Variants in HR observed in about 807,000 individuals in gnomAD.
The protein encoded by HR is lysine-specific demethylase hairless.
Under a neutral mutation model 128.6 loss-of-function variants are expected in HR, and 83 were observed. The ratio of observed to expected loss-of-function variants is 0.65; its 90% CI spans 0.54 to 0.77. The LOEUF is 0.77. HR is among the 30% of genes least tolerant of loss of function. HR has a pLI of 0.00. For missense variants in HR, 1,490 were observed against 1,574.6 expected (o/e 0.95, Z 0.91); for synonymous variants, 681 against 658.2 (o/e 1.03, Z -0.53).
chr8:22,121,377 C>T (rs1826748911), intron 9 of HR, 149 bp from the exon 10 acceptor site: 1 of 1,107,142 alleles, frequency 9.0e-7, no homozygotes, highest in Admixed American at 2.3e-5. Flanking sequence ...CTCTGGGTCT[C>T]CCCGCTCTAC....
At chr8:22,120,635 G>A (rs889996237) in intron 11 of HR, 81 bp downstream of exon 11, 7 of 1,561,810 alleles carry the variant, frequency 4.5e-6, no homozygotes, top group Non-Finnish European at 6.0e-6. Flanking sequence ...GAGCCACTGG[G>A]TCTGTCTGGG....
rs142308964 is a variant in HR at position 22,118,350 on chromosome 8, T to C, written c.3213+600A>G. On this transcript the variant is annotated intron_variant, in intron 16 of 18. Coordinates refer to ENST00000381418, the MANE Select transcript of HR (RefSeq NM_005144.5). The stretch of plus-strand genomic sequence containing the variant: ...CCCACCCCATCACCTTCCCCTTCCC[T>C]GGCTCCTCACCTGACCCATCTCTCC... 5.8e-3 allele frequency: 895 copies of C among 155,644 alleles called. 13 individuals carry two copies. The highest frequency in any genetic ancestry group is 0.019 in the African/African-American group (804 of 41,606). The allele number at this position is 155,644 out of a possible 1,614,324, so 9.6% of individuals were successfully genotyped here. A position where few individuals can be genotyped will look rare whatever the true frequency, so the allele number is the denominator to read the frequency against.
Position 22,127,609 on chromosome 8 carries a change from G to A in HR, c.833C>T (p.Ser278Phe), listed in dbSNP as rs374318044. The A allele has an allele frequency of 1.9e-5, 30 of 1,611,336 alleles. No homozygotes were observed. The Admixed American group carries it at 4.0e-4, about 21-fold the overall frequency. ...AAGGCCTGGGGGACAAGCGGGCCAG[G>A]AGGTCCAGGGCACAGTGTCTGGCTG... Reference protein sequence around the residue: ...LGQPDTVPWTSWPACPPGLVH... With the variant: ...LGQPDTVPWTFWPACPPGLVH... Residue 278 changes from serine (S) to phenylalanine (F), a missense_variant, in exon 3 of 19, where the codon TCC (serine) becomes TTC (phenylalanine). Ser to Phe is a radical substitution (Grantham distance 155). This residue lies in a region of HR where 1,060 missense variants were observed against 1,060.9 expected (regional missense o/e 1.00). Transcript: ENST00000381418.
chr8:22,123,000 T>C, intron 6 of HR, 121 bp from the exon 7 acceptor site: 1 of 930,656 alleles, frequency 1.1e-6, no homozygotes, highest in Non-Finnish European at 1.7e-6. Context: ...AAACTCGTGC[T>C]TTCTGGGAAA....
Position 22,120,189 on chromosome 8 carries a change from G to A in HR, c.2777-16C>T. The A allele has an allele frequency of 1.3e-6, 2 of 1,593,796 alleles. No individual in the cohort carries two copies. On this transcript the variant is annotated splice_polypyrimidine_tract_variant and intron_variant, in intron 12 of 18. Transcript: ENST00000381418. ...TTTGGGCGAACTACAGGAGGAGACA[G>A]AACGGCCATTGGCCTCCTCAGCCCT...
At position 22,123,747 on chromosome 8, in the gene HR, C is replaced by T. The variant is rs1288339184; in HGVS notation, c.1817G>A (p.Gly606Glu). Residue 606 changes from glycine to glutamate, a missense_variant, in exon 6 of 19, where the codon GGA becomes GAA. Around this residue, in one of 3 missense-constraint regions of HR, gnomAD observed 1,060 missense variants for 1,060.9 expected, o/e 1.00. Coordinates refer to ENST00000381418, the MANE Select transcript of HR (RefSeq NM_005144.5). Reference protein sequence around the residue: ...IPRCCSRCHHGLFNTHWRCPR... With the variant: ...IPRCCSRCHHELFNTHWRCPR... ...ACATCGCCAGTGGGTGTTGAAGAGT[C>T]CATGGTGGCAACGGCTGCAGCAGCG... 8.1e-6 allele frequency: 13 copies of T among 1,599,196 alleles called. No homozygotes were observed. Among genetic ancestry groups the T allele is most frequent in the Non-Finnish European group, 1.1e-5 (13 of 1,176,786 alleles).
In HR at chr8:22,127,411, C is replaced by T; in HGVS notation, c.1031G>A (p.Cys344Tyr). 1 of 1,613,250 alleles carries T rather than the reference C, an allele frequency of 6.2e-7. No individual in the cohort carries two copies. Among genetic ancestry groups the T allele is most frequent in the Non-Finnish European group, 8.5e-7 (1 of 1,179,866 alleles). ...GGCACCCCCCTCCAGGCCCTCCTGG[C>T]ACTTCCCACAAGGGCCAAGACCCCC... ...KGGGLGPCGK[C>Y]QEGLEGGASG... The change falls in exon 3 of 19, where the codon TGC becomes TAC. Residue 344 changes from cysteine to tyrosine, a missense_variant. Physicochemically the swap from Cys to Tyr is radical, Grantham distance 194. This residue lies in a region of HR where 1,060 missense variants were observed against 1,060.9 expected (regional missense o/e 1.00). Transcript: ENST00000381418.
chr8:22,120,102 A>G lies in HR; in HGVS notation c.2846+2T>C, dbSNP rs759821778. 3.2e-6 allele frequency: 5 copies of G among 1,584,342 alleles called. No individual in the cohort carries two copies. Among genetic ancestry groups the G allele is most frequent in the Non-Finnish European group, 4.3e-6 (5 of 1,166,110 alleles). ...AGGGCTGGCCCTTGGTGACATACAC[A>G]CCTGCTGGTGTCCTCATCCCCCAAA... On this transcript the variant is annotated splice_donor_variant, in intron 13 of 18. Coordinates refer to ENST00000381418, the MANE Select transcript of HR (RefSeq NM_005144.5). LOFTEE classifies it high-confidence loss of function.
Position 22,116,734 on chromosome 8 carries a change from T to G in HR, c.3378+141A>C. The G allele has an allele frequency of 8.0e-7, 1 of 1,246,752 alleles. No individual in the cohort carries two copies. The highest frequency in any genetic ancestry group is 1.3e-5 in the South Asian group (1 of 77,574). 77.2% of individuals were successfully genotyped at this position (1,246,752 alleles called of 1,614,324 possible). A position where few individuals can be genotyped will look rare whatever the true frequency, so the allele number is the denominator to read the frequency against. On this transcript the variant is annotated intron_variant, in intron 17 of 18. Coordinates refer to ENST00000381418, the MANE Select transcript of HR (RefSeq NM_005144.5). This position sits in a 1 kb window ranked among gnomAD's most constrained non-coding sequence, Gnocchi z 4.2. ...CTTCAAGGCCTCTTGGCTCCCCCGT[T>G]ATCTCTTCCCCACAGCAGCGTGCGG...
intron 8 of HR, among the ~76,000 whole-genome samples, chr8:22,121,976 T>G (rs1826766070): frequency 2.0e-5 from 3 of 152,208 alleles, no homozygotes; most frequent in Admixed American, 2.0e-4. Flanking sequence ...TTCCTTATAC[T>G]TGTCTGTATT....
In HR at chr8:22,120,484, T is replaced by G; in HGVS notation, c.2634A>C (p.Gln878His). ...CCCACAGGTTGCCCTGCAATGTCCT[T>G]TGGATCCCTGACACCAACACAGGCT... The part of the protein sequence containing the change: ...QGQPVLVSGI[Q>H]RTLQGNLWGT... The change falls in exon 12 of 19, where the codon CAA becomes CAC. Residue 878 changes from glutamine to histidine, a missense_variant. By Grantham distance (24) the Gln-to-His change is conservative. Coordinates refer to ENST00000381418, the MANE Select transcript of HR (RefSeq NM_005144.5). 1 of 1,613,898 alleles carries G rather than the reference T, an allele frequency of 6.2e-7. No individual in the cohort carries two copies. Among genetic ancestry groups the G allele is most frequent in the Non-Finnish European group, 8.5e-7 (1 of 1,180,000 alleles).
chr8:22,120,707 G>T lies in HR; in HGVS notation c.2610+9C>A. On this transcript the variant is annotated intron_variant, in intron 11 of 18. Transcript: ENST00000381418. ...CCAGGGCCGGGAGGGGAGGGGAGGG[G>T]TGCCTCACCTGGCCCTGCCTCCAGT... The T allele has an allele frequency of 2.7e-6, 4 of 1,501,332 alleles. No homozygotes were observed. Among genetic ancestry groups the T allele is most frequent in the Non-Finnish European group, 3.5e-6 (4 of 1,127,430 alleles). 93.0% of individuals were successfully genotyped at this position (1,501,332 alleles called of 1,614,324 possible).
intron 6 of HR, 32 bp downstream of exon 6, chr8:22,123,617 T>TGGGGGGCGCCCCC: frequency 6.8e-6 from 2 of 292,092 alleles, no homozygotes; most frequent in Non-Finnish European, 1.2e-5. Context: ...GAGGGCTCCA[T>TGGGGGGCGCCCCC]CCCGCCCTCC....
At position 22,129,068 on chromosome 8, in the gene HR, C is replaced by T. The variant is rs1379211496; in HGVS notation, c.103G>A (p.Gly35Arg). 3.2e-6 allele frequency: 5 copies of T among 1,582,094 alleles called. No individual in the cohort carries two copies. The South Asian group carries it at 3.5e-5, about 11-fold the overall frequency. ...AGGCACAGCGGCCCATGGTGCAGTC[C>T]ATCTCGAGGCGGGCTGCCGGGCTCC... is the stretch of plus-strand genomic sequence containing the variant. ...RQEPGSPPRD[G>R]LHHGPLCLGE... Residue 35 changes from glycine to arginine, a missense_variant, in exon 2 of 19, where the codon GGA becomes AGA. Around this residue, in one of 3 missense-constraint regions of HR, gnomAD observed 1,060 missense variants for 1,060.9 expected, o/e 1.00. Transcript: ENST00000381418.
intron 9 of HR, 22 bp from the exon 10 acceptor site, chr8:22,121,250 G>C: frequency 6.2e-7 from 1 of 1,612,276 alleles, no homozygotes; most frequent in Non-Finnish European, 8.5e-7. Flanking sequence ...GAAGATGGTG[G>C]GGGGCTTCGC....
At chr8:22,129,435 G>A (rs906220005) in intron 1 of HR, among the ~76,000 whole-genome samples, 1 of 152,264 alleles carries the variant, frequency 6.6e-6, no homozygotes, top group Non-Finnish European at 1.5e-5. Context: ...ACCTGGGCCA[G>A]TGCCCCTCAG....
intron 13 of HR, 39 bp from the exon 14 acceptor site, chr8:22,119,929 G>T: frequency 1.9e-6 from 3 of 1,612,138 alleles, no homozygotes; most frequent in Non-Finnish European, 2.5e-6. Context: ...GGCCCAACCT[G>T]GGCACCAGAG....
At chr8:22,125,262 G>A (rs1233386935) in intron 5 of HR, 49 bp downstream of exon 5, 28 of 1,533,538 alleles carry the variant, frequency 1.8e-5, no homozygotes, top group Non-Finnish European at 2.5e-5. Flanking sequence ...AGGGACACCT[G>A]GGGCTCCCCA....
chr8:22,119,434 C>T (rs1285152181), intron 14 of HR, 151 bp from the exon 15 acceptor site: 13 of 1,179,952 alleles, frequency 1.1e-5, no homozygotes, highest in East Asian at 2.6e-5. Flanking sequence ...GGAGAAACCC[C>T]CTCTCTACTA....
Sources: gnomAD v4.1 joint callset for allele counts (sites outside exome capture counted in the v4.1 genomes callset) on GRCh38, gnomAD v4.1.1 for gene constraint, gnomAD v4.1.1 regional missense constraint, Gnocchi (gnomAD v3.1) non-coding constraint, MANE v1.5 for transcripts, NCBI Gene and HGNC (gene_info 2026-07-23, HGNC 2026-07-21) for gene names.